The following ZNF469 variants were observed in gnomAD, a reference collection of about 807,000 sequenced individuals.
ZNF469 encodes the protein zinc finger protein 469.
A neutral mutation model predicts 1.0 loss-of-function variants in ZNF469; 1 was observed. The observed-to-expected ratio is 1.00, with a 90% CI of 0.35 to 4.73. ZNF469 has a LOEUF of 4.73. ZNF469 is among the 30% of genes most tolerant of loss of function. The pLI is 0.16. For missense variants in ZNF469, 6,100 were observed against 5,356.3 expected (o/e 1.14, Z -4.33); for synonymous variants, 2,703 against 2,363.4 (o/e 1.14, Z -4.17).
At chr16:88,118,431 T>C in the ZNF469 span, among the ~76,000 whole-genome samples, 1 of 152,188 alleles carries the variant, frequency 6.6e-6, no homozygotes, top group African/African-American at 2.4e-5. Flanking sequence ...CACAAGAGTC[T>C]CAGCTGCTCG....
chr16:88,132,140 C>T, the ZNF469 span, among the ~76,000 whole-genome samples: 3 of 152,230 alleles, frequency 2.0e-5, no homozygotes, highest in African/African-American at 7.2e-5. Context: ...CCGGCCATAC[C>T]GATGGCTTCA....
chr16:88,283,600 T>G, the ZNF469 span, among the ~76,000 whole-genome samples: 1 of 152,184 alleles, frequency 6.6e-6, no homozygotes, highest in Non-Finnish European at 1.5e-5. Context: ...AGGTGGTGGG[T>G]TGGGGGTATC....
At position 88,432,583 on chromosome 16, in the gene ZNF469, A is replaced by G. The variant is rs1906276526; in HGVS notation, c.5113A>G (p.Thr1705Ala). The change falls in exon 3 of 3, where the codon ACT (threonine) becomes GCT (alanine). Residue 1705 changes from threonine (T) to alanine (A), a missense_variant. Transcript: ENST00000565624. ...AGTGCAGAAAGCCGGAGCCTCCAAG[A>G]CTGGACTTTGCCAGGCAGAAGGAGA... ...QPVQKAGASK[T>A]GLCQAEGDSR... 1 of 1,550,262 alleles carries G rather than the reference A, an allele frequency of 6.5e-7. No individual in the cohort carries two copies. The highest frequency in any genetic ancestry group is 1.4e-5 in the African/African-American group (1 of 73,024).
rs1212716666 is a variant in ZNF469, at chr16:88,427,396, A to T, written c.-75A>T. 3.6e-6 allele frequency: 5 copies of T among 1,390,210 alleles called. No homozygotes were observed. Among genetic ancestry groups the T allele is most frequent in the Non-Finnish European group, 4.7e-6 (5 of 1,060,206 alleles). The allele number at this position is 1,390,210 out of a possible 1,614,324, so 86.1% of individuals were successfully genotyped here. On this transcript the variant is annotated 5_prime_UTR_variant, in exon 3 of 3. Coordinates refer to ENST00000565624, the MANE Select transcript of ZNF469 (RefSeq NM_001367624.2). ...CTTCCCTGGGGCCCATCGAGGGCTGAGGATGGCCGTCCAGCCCACTCCCCA... is the reference window on the plus strand; with the variant it reads ...CTTCCCTGGGGCCCATCGAGGGCTGTGGATGGCCGTCCAGCCCACTCCCCA...
chr16:88,164,931 A>G, the ZNF469 span, among the ~76,000 whole-genome samples: 2 of 152,186 alleles, frequency 1.3e-5, no homozygotes, highest in African/African-American at 4.8e-5. Flanking sequence ...GCTCAGGGCC[A>G]GGCAGTAGGT....
At chr16:88,177,675 A>C in the ZNF469 span, 2 of 152,020 alleles carry the variant, frequency 1.3e-5, no homozygotes, top group African/African-American at 2.4e-5. The surrounding 1 kb of genome is among the most constrained non-coding windows in gnomAD (Gnocchi z 4.8). Context: ...CGCTCACCAG[A>C]TTCCTCCTGC....
the ZNF469 span, among the ~76,000 whole-genome samples, chr16:88,244,300 G>T: frequency 6.6e-6 from 1 of 151,466 alleles, no homozygotes; most frequent in East Asian, 2.0e-4. Context: ...TGACTGGATG[G>T]GTGAGTGGAT....
Position 88,419,601 on chromosome 16 carries a change from G to A in ZNF469, c.-191-5206G>A, listed in dbSNP as rs1052462731. Among the ~76,000 whole-genome samples, 17 of 152,120 alleles carry A rather than the reference G, an allele frequency of 1.1e-4. No homozygotes were observed. The East Asian group carries it at 2.7e-3, about 24-fold the overall frequency. On this transcript the variant is annotated intron_variant, in intron 1 of 2. Transcript: ENST00000565624. Reference sequence around the variant, plus strand: ...GGTGTGGACAGCCTCCCTAACCCCCGGCAGCCTCCCACTCCCTGCCCCTGA... The same window carrying A: ...GGTGTGGACAGCCTCCCTAACCCCCAGCAGCCTCCCACTCCCTGCCCCTGA...
At chr16:88,169,467 C>T in the ZNF469 span, among the ~76,000 whole-genome samples, 30 of 152,274 alleles carry the variant, frequency 2.0e-4, no homozygotes, top group South Asian at 8.3e-4. This position sits in a 1 kb window ranked among gnomAD's most constrained non-coding sequence, Gnocchi z 6.1. Flanking sequence ...AGAACGTCAT[C>T]GAGGTGGAGT....
At chr16:88,132,614 G>T in the ZNF469 span, among the ~76,000 whole-genome samples, 11 of 152,206 alleles carry the variant, frequency 7.2e-5, no homozygotes, top group African/African-American at 1.4e-4. Context: ...ATTGTTCAAA[G>T]AATCCATATC....
At chr16:88,328,755 CAG>C in the ZNF469 span, among the ~76,000 whole-genome samples, 43 of 152,314 alleles carry the variant, frequency 2.8e-4, no homozygotes, top group Middle Eastern at 3.4e-3. Flanking sequence ...GTGTGAGCAA[CAG>C]AGGCGCCCAG....
rs891391047 is a variant in ZNF469 at position 88,431,482 on chromosome 16, G to A, written c.4012G>A (p.Ala1338Thr). The A allele has an allele frequency of 1.5e-5, 24 of 1,550,258 alleles. No homozygotes were observed. In the African/African-American group the frequency reaches 2.1e-4, roughly 13 times the overall value. The change falls in exon 3 of 3, where the codon GCC becomes ACC. Residue 1338 changes from alanine (A) to threonine (T), a missense_variant. Physicochemically the swap from Ala to Thr is moderately conservative, Grantham distance 58. Transcript: ENST00000565624. ...LAPVANPSSTACPKPSVLSSK... is the reference protein window; with the variant it reads ...LAPVANPSSTTCPKPSVLSSK... ...ACCCGTGGCTAACCCCTCAAGTACC[G>A]CCTGCCCCAAACCCAGTGTTCTGTC...
chr16:88,250,861 T>A, the ZNF469 span, among the ~76,000 whole-genome samples: 1 of 152,140 alleles, frequency 6.6e-6, no homozygotes, highest in Admixed American at 6.6e-5. Flanking sequence ...TTCCTACCTG[T>A]TCGGGGTTTT....
At chr16:88,346,945 G>A in the ZNF469 span, among the ~76,000 whole-genome samples, 3 of 152,238 alleles carry the variant, frequency 2.0e-5, no homozygotes, top group African/African-American at 2.4e-5. Flanking sequence ...GGCCACCCTC[G>A]GGAGAAGGCC....
At chr16:88,256,240 C>G in the ZNF469 span, among the ~76,000 whole-genome samples, 1 of 152,234 alleles carries the variant, frequency 6.6e-6, no homozygotes, top group Non-Finnish European at 1.5e-5. Context: ...CGGGCAACCA[C>G]TCATCTTTTG....
the ZNF469 span, among the ~76,000 whole-genome samples, chr16:88,139,329 G>T: frequency 6.6e-6 from 1 of 152,066 alleles, no homozygotes; most frequent in African/African-American, 2.4e-5. Context: ...AAACCTTTTT[G>T]CCCCCTGGCC....
chr16:88,353,312 C>T, the ZNF469 span, among the ~76,000 whole-genome samples: 13,365 of 152,174 alleles, frequency 0.088, 1,985 homozygotes, highest in African/African-American at 0.31. Context: ...TCTTCCTCCA[C>T]GCAGGAACCA....
chr16:88,366,152 TCATCATCAC>T, the ZNF469 span, among the ~76,000 whole-genome samples: 1 of 128,230 alleles, frequency 7.8e-6, no homozygotes, highest in Non-Finnish European at 1.7e-5. Flanking sequence ...ATCATCACCA[TCATCATCAC>T]CATCATCACC....
the ZNF469 span, among the ~76,000 whole-genome samples, chr16:88,115,363 G>A: frequency 4.6e-5 from 7 of 151,820 alleles, no homozygotes; most frequent in South Asian, 1.2e-3. Context: ...CATGTGTGAC[G>A]CTCATATGTC....
Sources: allele counts gnomAD v4.1 joint callset (sites outside exome capture counted in the v4.1 genomes callset), GRCh38; gene constraint gnomAD v4.1.1; non-coding constraint Gnocchi (gnomAD v3.1); transcripts MANE v1.5; gene names NCBI Gene and HGNC (gene_info 2026-07-23, HGNC 2026-07-21).